The following IL1RL2 variants were observed in gnomAD, a reference collection of about 807,000 sequenced individuals.
IL1RL2 encodes interleukin 1 receptor like 2.
In IL1RL2, 68 loss-of-function variants were observed where a neutral mutation model predicts 66.8. The ratio of observed to expected loss-of-function variants is 1.02; its 90% CI spans 0.84 to 1.25. The LOEUF is 1.25. IL1RL2 is among the 50% of genes most tolerant of loss of function. IL1RL2 has a pLI of 0.00. For missense variants in IL1RL2, 729 were observed against 709.3 expected, an observed-to-expected ratio of 1.03 and a Z score of -0.32; for synonymous variants, 305 against 264.6, an observed-to-expected ratio of 1.15 and a Z score of -1.48.
chr2:102,220,536 G>A (rs1690015294), intron 8 of IL1RL2, among the ~76,000 whole-genome samples: 1 of 152,180 alleles, frequency 6.6e-6, no homozygotes, highest in Admixed American at 6.5e-5. Flanking sequence ...TAAAGTCAGT[G>A]AAAAGATAGT....
At chr2:102,188,587 C>CAAA (rs374522339) in intron 2 of IL1RL2, among the ~76,000 whole-genome samples, 15 of 94,976 alleles carry the variant, frequency 1.6e-4, no homozygotes, top group African/African-American at 4.4e-4. Context: ...GACTCCGTCT[C>CAAA]AAAAAAAAAA....
downstream of IL1RL2, among the ~76,000 whole-genome samples, chr2:102,242,600 G>A (rs1197657590): frequency 6.6e-6 from 1 of 152,166 alleles, no homozygotes; most frequent in East Asian, 1.9e-4. Flanking sequence ...AAGGGGTGGA[G>A]AAGAATTCCT....
chr2:102,211,315 A>G (rs1034649690), intron 5 of IL1RL2, among the ~76,000 whole-genome samples: 5 of 152,350 alleles, frequency 3.3e-5, no homozygotes, highest in African/African-American at 1.2e-4. Context: ...GGAAAGAAGT[A>G]GAGAAAGACT....
At position 102,232,991 on chromosome 2, in the gene IL1RL2, A is replaced by G. The variant is rs1691268786; in HGVS notation, c.1164A>G (p.Leu388=). The G allele has an allele frequency of 4.3e-6, 7 of 1,613,956 alleles. No individual in the cohort carries two copies. The highest frequency in any genetic ancestry group is 5.9e-6 in the Non-Finnish European group (7 of 1,179,966). The part of the protein sequence containing the change: ...VDGKLYDAYV[L]YPKPHKESQR... ...GGAAGCTGTATGACGCCTATGTCTT[A>G]TACCCCAAGCCCCACAAGGAAAGCC... Residue 388 remains leucine, a synonymous_variant, in exon 10 of 12, where the codon TTA becomes TTG. Transcript: ENST00000264257.
chr2:102,226,720 T>A (rs745758698), intron 9 of IL1RL2, among the ~76,000 whole-genome samples: 11 of 140,834 alleles, frequency 7.8e-5, no homozygotes, highest in East Asian at 2.0e-4. Flanking sequence ...AAGAAGGGAG[T>A]TTCGTAGAAA....
At chr2:102,204,810 T>C (rs1010331552) in intron 5 of IL1RL2, among the ~76,000 whole-genome samples, 1 of 152,062 alleles carries the variant, frequency 6.6e-6, no homozygotes, top group Non-Finnish European at 1.5e-5. Context: ...CATTCAGCCA[T>C]TCTACATCTC....
chr2:102,209,034 T>C (rs556150446), intron 5 of IL1RL2, among the ~76,000 whole-genome samples: 1 of 152,342 alleles, frequency 6.6e-6, no homozygotes, highest in African/African-American at 2.4e-5. Context: ...GATTGACTAC[T>C]ATAATGCATT....
intron 9 of IL1RL2, among the ~76,000 whole-genome samples, chr2:102,229,880 T>C (rs576322959): frequency 6.6e-6 from 1 of 152,302 alleles, no homozygotes; most frequent in South Asian, 2.1e-4. Context: ...AGTACCTATA[T>C]CCTCAGACAC....
chr2:102,217,906 A>T (rs1281059467), intron 6 of IL1RL2, among the ~76,000 whole-genome samples: 1 of 152,190 alleles, frequency 6.6e-6, no homozygotes, highest in Non-Finnish European at 1.5e-5. Flanking sequence ...AAGCACAGAC[A>T]ACAAAAGTTA....
Position 102,239,207 on chromosome 2 carries a change from C to T in IL1RL2, c.1694C>T (p.Ser565Leu), listed in dbSNP as rs750664529. The T allele has an allele frequency of 4.0e-5, 64 of 1,613,870 alleles. No individual in the cohort carries two copies. The highest frequency in any genetic ancestry group is 5.3e-5 in the Non-Finnish European group (63 of 1,179,930). The change falls in exon 12 of 12, where the codon TCA becomes TTA. Residue 565 changes from serine (S) to leucine (L), a missense_variant. Transcript: ENST00000264257. The stretch of plus-strand genomic sequence containing the variant: ...CTGATTTCAGGCCCAGAACTAGGCT[C>T]AAGAAGAAAGAAGTGTACTCTCACG... ...CYRTAGPELGSRRKKCTLTTG is the reference protein window; with the variant it reads ...CYRTAGPELGLRRKKCTLTTG
At chr2:102,215,417 G>A (rs1689524061) in intron 6 of IL1RL2, among the ~76,000 whole-genome samples, 1 of 152,028 alleles carries the variant, frequency 6.6e-6, no homozygotes, top group Admixed American at 6.6e-5. Flanking sequence ...TAGAGTATGG[G>A]CCCTATGAAA....
At chr2:102,199,680 C>A (rs3771192) in intron 4 of IL1RL2, among the ~76,000 whole-genome samples, 42,547 of 151,928 alleles carry the variant, frequency 0.28, 6,559 homozygotes, top group East Asian at 0.38. Context: ...TGGCCCTCAG[C>A]TGCAAGGCTG....
chr2:102,237,362 C>T (rs929829880), intron 11 of IL1RL2, among the ~76,000 whole-genome samples: 18 of 152,224 alleles, frequency 1.2e-4, no homozygotes, highest in Admixed American at 2.0e-4. Context: ...CCACTGCCCT[C>T]AGGGGGTTTC....
At chr2:102,232,397 G>A (rs1691216146) in intron 9 of IL1RL2, among the ~76,000 whole-genome samples, 1 of 152,056 alleles carries the variant, frequency 6.6e-6, no homozygotes. Flanking sequence ...ACAGGCATGA[G>A]CCACATGCCT....
intron 4 of IL1RL2, among the ~76,000 whole-genome samples, chr2:102,194,194 C>A (rs1578095017): frequency 6.6e-6 from 1 of 152,220 alleles, no homozygotes; most frequent in Admixed American, 6.5e-5. Context: ...TTGGATTTAC[C>A]AGTTTTTGAA....
chr2:102,226,085 C>G, intron 9 of IL1RL2, 44 bp downstream of exon 9: 1 of 1,466,646 alleles, frequency 6.8e-7, no homozygotes. Context: ...AATTGGTATC[C>G]TCTTATACAT....
At chr2:102,234,512 G>T (rs1176575035) in intron 10 of IL1RL2, among the ~76,000 whole-genome samples, 2 of 152,202 alleles carry the variant, frequency 1.3e-5, no homozygotes, top group South Asian at 2.1e-4. Flanking sequence ...GTCCATTTTT[G>T]GCCAGGCAAG....
chr2:102,239,358 G>C lies in IL1RL2; in HGVS notation c.*117G>C. 1 of 932,624 alleles carries C rather than the reference G, an allele frequency of 1.1e-6. No homozygotes were observed. Among genetic ancestry groups the C allele is most frequent in the South Asian group, 1.3e-5 (1 of 75,542 alleles). 57.8% of individuals were successfully genotyped at this position (932,624 alleles called of 1,614,324 possible). A position where few individuals can be genotyped will look rare whatever the true frequency, so the allele number is the denominator to read the frequency against. Reference sequence around the variant, plus strand: ...CTAGGGTTAGCATTCTAGACACCCAGTTGAGCTCAGGCGTAGAGAAGAGGA... The same window carrying C: ...CTAGGGTTAGCATTCTAGACACCCACTTGAGCTCAGGCGTAGAGAAGAGGA... On this transcript the variant is annotated 3_prime_UTR_variant, in exon 12 of 12. Coordinates refer to ENST00000264257, the MANE Select transcript of IL1RL2 (RefSeq NM_003854.4).
intron 5 of IL1RL2, among the ~76,000 whole-genome samples, chr2:102,209,308 G>A: frequency 6.6e-6 from 1 of 152,298 alleles, no homozygotes; most frequent in East Asian, 1.9e-4. Context: ...TGTGCTAAGG[G>A]TAGAGCCACA....
Sources: gnomAD v4.1 joint callset for allele counts (sites outside exome capture counted in the v4.1 genomes callset) on GRCh38, gnomAD v4.1.1 for gene constraint, MANE v1.5 for transcripts, NCBI Gene and HGNC (gene_info 2026-07-23, HGNC 2026-07-21) for gene names.